Variants in PFKFB1 observed in about 807,000 individuals in gnomAD.
PFKFB1 encodes the protein 6-phosphofructo-2-kinase/fructose-2,6-bisphosphatase 1.
Under a neutral mutation model 46.4 loss-of-function variants are expected in PFKFB1, and 34 were observed. The ratio of observed to expected loss-of-function variants is 0.73; its 90% confidence interval spans 0.56 to 0.98. The LOEUF is 0.98. Among genes scored for constraint, PFKFB1 ranks in the 50% least tolerant of loss-of-function variants. The pLI is 0.00. For missense variants in PFKFB1, 393 were observed against 376.3 expected, an observed-to-expected ratio of 1.04 and a Z score of -0.37; for synonymous variants, 119 against 133.8, an observed-to-expected ratio of 0.89 and a Z score of 0.76.
At position 54,991,567 on chromosome X, in the gene PFKFB1, GTGTGTTTGTATA is replaced by G. The variant is rs1488491305; in HGVS notation, c.97+2332_97+2343del. Among the ~76,000 whole-genome samples, 211 of 106,116 alleles carry G rather than the reference GTGTGTTTGTATA, an allele frequency of 2.0e-3. 1 individual carries two copies. Among genetic ancestry groups the G allele is most frequent in the African/African-American group, 7.4e-3 (199 of 27,062 alleles). 92.1% of individuals were successfully genotyped at this position (106,116 alleles called of 115,157 possible). A position where few individuals can be genotyped will look rare whatever the true frequency, so the allele number is the denominator to read the frequency against. On this transcript the variant is annotated intron_variant, in intron 1 of 13. Coordinates refer to ENST00000375006, the MANE Select transcript of PFKFB1 (RefSeq NM_002625.4). ...TGTGTGTGTGTGTGTGTGTGTGTGTGTGTGTTTGTATATGTGTGTAACTTGGAAAGCTGATTC... is the reference window on the plus strand; with the variant it reads ...TGTGTGTGTGTGTGTGTGTGTGTGTGTGTGTGTAACTTGGAAAGCTGATTC...
At position 54,952,155 on chromosome X, in the gene PFKFB1, A is replaced by G. The variant is rs200363461; in HGVS notation, c.639-43T>C. The G allele has an allele frequency of 1.4e-3, 1,509 of 1,070,587 alleles. 1 individual carries two copies. The highest frequency in any genetic ancestry group is 1.8e-3 in the Non-Finnish European group (1,399 of 773,775). 88.2% of individuals were successfully genotyped at this position (1,070,587 alleles called of 1,213,427 possible). ...AGGAGCAAGGGCAGCTCAGGGGCTAATGGTGGTAGGGTTGACCCCGAGAGA... is the reference window on the plus strand; with the variant it reads ...AGGAGCAAGGGCAGCTCAGGGGCTAGTGGTGGTAGGGTTGACCCCGAGAGA... On this transcript the variant is annotated intron_variant, in intron 7 of 13. Transcript: ENST00000375006.
intron 7 of PFKFB1, among the ~76,000 whole-genome samples, chrX:54,954,080 T>A (rs1389504731): frequency 3.6e-5 from 4 of 111,839 alleles, no homozygotes; most frequent in African/African-American, 6.5e-5. Flanking sequence ...TATTTAAAAA[T>A]TTTTTAAAAA....
upstream of PFKFB1, chrX:54,994,417 A>C (rs1935325778): frequency 1.3e-6 from 1 of 753,763 alleles, no homozygotes; most frequent in South Asian, 6.7e-5. Context: ...ACCAAAGATC[A>C]TGTGCTTACA....
intron 9 of PFKFB1, among the ~76,000 whole-genome samples, chrX:54,947,261 C>CT (rs1175348418): frequency 8.9e-6 from 1 of 111,765 alleles, no homozygotes; most frequent in Non-Finnish European, 1.9e-5. Context: ...CACCCATAGT[C>CT]TTACCTATCA....
At chrX:54,944,889 A>C (rs1933754199) in intron 10 of PFKFB1, among the ~76,000 whole-genome samples, 1 of 112,436 alleles carries the variant, frequency 8.9e-6, no homozygotes, top group Non-Finnish European at 1.9e-5. Context: ...AGCCATTTAT[A>C]TCAGAAATAA....
intron 1 of PFKFB1, among the ~76,000 whole-genome samples, chrX:54,978,119 A>C (rs1934884729): frequency 9.0e-6 from 1 of 110,570 alleles, no homozygotes; most frequent in African/African-American, 3.3e-5. Context: ...CCTTCTGCTC[A>C]ATTTTGCTGC....
intron 1 of PFKFB1, among the ~76,000 whole-genome samples, chrX:54,972,103 G>T (rs1205386300): frequency 1.1e-4 from 12 of 109,966 alleles, no homozygotes; most frequent in African/African-American, 3.9e-4. Context: ...TGAAGCAATT[G>T]TGAATGGGAG....
chrX:54,962,285 A>T (rs939623464), intron 2 of PFKFB1, among the ~76,000 whole-genome samples: 3 of 111,829 alleles, frequency 2.7e-5, no homozygotes, highest in Non-Finnish European at 3.8e-5. Context: ...CCAATGTCTT[A>T]TTCCTCCCAC....
In PFKFB1 at chrX:54,980,710, AACACACACACACACAC is replaced by A. The variant is rs751759536; in HGVS notation, c.97+13185_97+13200del. Among the ~76,000 whole-genome samples the A allele has an allele frequency of 7.3e-3, 609 of 83,382 alleles. 5 individuals are homozygous for A. Among genetic ancestry groups the A allele is most frequent in the African/African-American group, 0.025 (551 of 22,413 alleles). 72.4% of individuals were successfully genotyped at this position (83,382 alleles called of 115,157 possible). On this transcript the variant is annotated intron_variant, in intron 1 of 13. Coordinates refer to ENST00000375006, the MANE Select transcript of PFKFB1 (RefSeq NM_002625.4). ...TACCCGTGTAGGAAGAAAAAAAGCC[AACACACACACACACAC>A]ACACACACACACACACACACACACA...
intron 11 of PFKFB1, among the ~76,000 whole-genome samples, chrX:54,935,753 C>T (rs193281878): frequency 7.1e-4 from 79 of 111,548 alleles, no homozygotes; most frequent in Admixed American, 1.9e-3. Context: ...TGCACTGGCC[C>T]CTACTGTCAA....
At chrX:54,949,335 C>T (rs952898318) in intron 8 of PFKFB1, 114 bp from the exon 9 acceptor site, 3 of 547,761 alleles carry the variant, frequency 5.5e-6, no homozygotes, top group Non-Finnish European at 8.5e-6. Context: ...GATGAACAAG[C>T]AGAGCAAAGA....
chrX:54,970,336 T>C (rs1159214385), intron 1 of PFKFB1, among the ~76,000 whole-genome samples: 2 of 111,138 alleles, frequency 1.8e-5, no homozygotes, highest in Non-Finnish European at 3.8e-5. Context: ...TTTTATTTTT[T>C]TAGTTTTATT....
At chrX:54,956,364 G>T in intron 6 of PFKFB1, 90 bp from the exon 7 acceptor site, 1 of 1,041,918 alleles carries the variant, frequency 9.6e-7, no homozygotes. Context: ...TTGAGTACAA[G>T]ATGCCTCATT....
chrX:54,934,817 C>T, intron 12 of PFKFB1, 130 bp downstream of exon 12: 1 of 500,271 alleles, frequency 2.0e-6, no homozygotes, highest in Non-Finnish European at 3.6e-6. Context: ...CCACCACCCA[C>T]TAAGGGAACC....
intron 1 of PFKFB1, among the ~76,000 whole-genome samples, chrX:54,967,354 C>T (rs1233834572): frequency 3.6e-5 from 4 of 111,911 alleles, no homozygotes; most frequent in Non-Finnish European, 5.6e-5. Flanking sequence ...AACAGAAGCA[C>T]TCAGTGAAGA....
chrX:54,933,993 C>G, intron 12 of PFKFB1, 108 bp from the exon 13 acceptor site: 1 of 578,535 alleles, frequency 1.7e-6, no homozygotes, highest in Non-Finnish European at 2.9e-6. Context: ...CAGCTTCATA[C>G]TGTGTACAGA....
chrX:54,952,887 G>A (rs1934029683), intron 7 of PFKFB1, among the ~76,000 whole-genome samples: 1 of 109,616 alleles, frequency 9.1e-6, no homozygotes, highest in Non-Finnish European at 1.9e-5. Flanking sequence ...CAAGCAGTGG[G>A]GCATGGGGAT....
chrX:54,997,600 T>G (rs1012921711), upstream of PFKFB1, among the ~76,000 whole-genome samples: 1 of 111,718 alleles, frequency 9.0e-6, no homozygotes, highest in African/African-American at 3.3e-5. Flanking sequence ...TCAGACTGTT[T>G]GGGTATGAAT....
At chrX:54,962,830 C>T (rs1037584982) in intron 2 of PFKFB1, among the ~76,000 whole-genome samples, 4 of 112,182 alleles carry the variant, frequency 3.6e-5, no homozygotes, top group African/African-American at 1.3e-4. Context: ...GGTTCTGTAA[C>T]TGGATATATG....
Sources: gnomAD v4.1 joint callset for allele counts (sites outside exome capture counted in the v4.1 genomes callset) on GRCh38, gnomAD v4.1.1 for gene constraint, MANE v1.5 for transcripts, NCBI Gene and HGNC (gene_info 2026-07-23, HGNC 2026-07-21) for gene names.